Variants in RREB1 observed in about 807,000 individuals in gnomAD.
The protein encoded by RREB1 is ras responsive element binding protein 1.
A neutral mutation model predicts 117.8 loss-of-function variants in RREB1; 27 were observed. The observed-to-expected ratio is 0.23, with a 90% CI of 0.17 to 0.32. The LOEUF is 0.32. RREB1 is among the 10% of genes least tolerant of loss of function. The pLI is 1.00. For synonymous variants in RREB1, 1,298 were observed against 1,026.7 expected (o/e 1.26, Z -5.05); for missense variants, 2,577 against 2,378.2 (o/e 1.08, Z -1.74).
rs139799223 is a variant in RREB1 at position 7,229,167 on chromosome 6, C to A, written c.1068C>A (p.Asp356Glu). 1 of 1,609,806 alleles carries A rather than the reference C, an allele frequency of 6.2e-7. No individual in the cohort carries two copies. Among genetic ancestry groups the A allele is most frequent in the Non-Finnish European group, 8.5e-7 (1 of 1,176,812 alleles). ...CGCAGGCCACGCCCCTGCCTGGTGA[C>A]GCCCTGGACCAGAAGGGCTTCCTGG... The part of the protein sequence containing the change: ...EKPQATPLPG[D>E]ALDQKGFLAL... Residue 356 changes from aspartate to glutamate, a missense_variant, in exon 10 of 13, where the codon GAC becomes GAA. Coordinates refer to ENST00000379938, the MANE Select transcript of RREB1 (RefSeq NM_001003699.4). This position sits in a 1 kb window ranked among gnomAD's most constrained non-coding sequence, Gnocchi z 4.5.
At chr6:7,162,482 A>G (rs996119308) in intron 1 of RREB1, among the ~76,000 whole-genome samples, 1 of 151,154 alleles carries the variant, frequency 6.6e-6, no homozygotes, top group African/African-American at 2.4e-5. Context: ...TTTGGCTCAT[A>G]CTCCAGGTTC....
At chr6:7,191,766 A>C (rs1180382843) in intron 6 of RREB1, among the ~76,000 whole-genome samples, 1 of 152,166 alleles carries the variant, frequency 6.6e-6, no homozygotes, top group African/African-American at 2.4e-5. Context: ...TCAGTTGTTC[A>C]TGGCTAGTTA....
chr6:7,158,302 A>G (rs1763480407), intron 1 of RREB1, among the ~76,000 whole-genome samples: 1 of 151,570 alleles, frequency 6.6e-6, no homozygotes, highest in Admixed American at 6.6e-5. Context: ...TTCCCTCCCT[A>G]TTCCCTTTGT....
chr6:7,221,201 G>A (rs1160237325), intron 8 of RREB1, among the ~76,000 whole-genome samples: 5 of 151,066 alleles, frequency 3.3e-5, no homozygotes, highest in African/African-American at 1.2e-4. Flanking sequence ...TCGCTCTGTC[G>A]CCCAGGCCGG....
At chr6:7,214,165 G>C (rs1432892184) in intron 8 of RREB1, 1 of 152,432 alleles carries the variant, frequency 6.6e-6, no homozygotes, top group African/African-American at 2.4e-5. Context: ...GATTTGGTGG[G>C]TGATTAATCC....
chr6:7,201,740 C>T (rs1011917230), intron 6 of RREB1, among the ~76,000 whole-genome samples: 1 of 152,096 alleles, frequency 6.6e-6, no homozygotes, highest in Admixed American at 6.5e-5. Context: ...TTCATTGGTC[C>T]TGTGGTGTCA....
intron 11 of RREB1, among the ~76,000 whole-genome samples, chr6:7,245,451 A>G (rs1768947214): frequency 6.6e-6 from 1 of 152,244 alleles, no homozygotes; most frequent in African/African-American, 2.4e-5. Flanking sequence ...AATAGGTCCC[A>G]CCAGCTTCCA....
At chr6:7,242,318 GTATT>G (rs150742080) in intron 11 of RREB1, among the ~76,000 whole-genome samples, 170 of 152,286 alleles carry the variant, frequency 1.1e-3, no homozygotes, top group African/African-American at 3.9e-3. Context: ...AGCACCAAGT[GTATT>G]TATAAGTTTG....
Position 7,230,396 on chromosome 6 carries a change from G to A in RREB1, c.2297G>A (p.Arg766His). 6.3e-7 allele frequency: 1 copy of A among 1,592,648 alleles called. No individual in the cohort carries two copies. The stretch of plus-strand genomic sequence containing the variant: ...TGCGGCGAGGACCTCAAGCACTATC[G>A]TGCCCTGCGCATCCACATGCGCACG... ...RLCGEDLKHY[R>H]ALRIHMRTHC... Residue 766 changes from arginine to histidine, a missense_variant, in exon 10 of 13, where the codon CGT becomes CAT. By Grantham distance (29) the Arg-to-His change is conservative. Coordinates refer to ENST00000379938, the MANE Select transcript of RREB1 (RefSeq NM_001003699.4).
At chr6:7,240,651 T>C in intron 11 of RREB1, 49 bp downstream of exon 11, 8 of 1,542,658 alleles carry the variant, frequency 5.2e-6, no homozygotes, top group African/African-American at 2.8e-5. Flanking sequence ...GAGAGAGGAG[T>C]TCGGTTAAGA....
intron 1 of RREB1, among the ~76,000 whole-genome samples, chr6:7,162,823 A>G (rs1487094607): frequency 6.6e-6 from 1 of 151,068 alleles, no homozygotes; most frequent in African/African-American, 2.4e-5. Context: ...GCTCCCCTTT[A>G]TTTTATTTTA....
intron 1 of RREB1, among the ~76,000 whole-genome samples, chr6:7,144,401 C>G (rs1762767391): frequency 6.6e-6 from 1 of 152,134 alleles, no homozygotes; most frequent in African/African-American, 2.4e-5. Flanking sequence ...GGGAAACTGT[C>G]AAAACCAAAC....
At chr6:7,162,639 A>G (rs1362091079) in intron 1 of RREB1, among the ~76,000 whole-genome samples, 9 of 152,062 alleles carry the variant, frequency 5.9e-5, no homozygotes. Flanking sequence ...AGGTTTTCGC[A>G]CAGATCCCAA....
chr6:7,138,558 T>G (rs1167429517), intron 1 of RREB1, among the ~76,000 whole-genome samples: 2 of 152,220 alleles, frequency 1.3e-5, no homozygotes, highest in African/African-American at 4.8e-5. Context: ...GTCAAAGTGG[T>G]GGTTGTTATC....
At position 7,181,194 on chromosome 6, in the gene RREB1, A is replaced by G; in HGVS notation, c.-95A>G. 1 of 398,748 alleles carries G rather than the reference A, an allele frequency of 2.5e-6. No individual in the cohort carries two copies. The highest frequency in any genetic ancestry group is 4.4e-6 in the Non-Finnish European group (1 of 226,170). 24.7% of individuals were successfully genotyped at this position (398,748 alleles called of 1,614,324 possible). ...ACTCATTTTCTACTCCGTGTGAATG[A>G]TAGCTACAGCAGGGGAAAGTTTCAT... On this transcript the variant is annotated 5_prime_UTR_variant, in exon 3 of 13. Coordinates refer to ENST00000379938, the MANE Select transcript of RREB1 (RefSeq NM_001003699.4).
intron 1 of RREB1, among the ~76,000 whole-genome samples, chr6:7,137,531 G>A (rs1762393364): frequency 6.6e-6 from 1 of 152,230 alleles, no homozygotes; most frequent in African/African-American, 2.4e-5. Context: ...CAAACACATA[G>A]GCAGATGAAA....
In RREB1 at chr6:7,251,366, A is replaced by T. The variant is rs1314520442; in HGVS notation, c.*2398A>T. ...CTGGGTGAATCATAGCTTAGTTTGC[A>T]TGTCCAGCTAATTTGTTTCTATACA... is the stretch of plus-strand genomic sequence containing the variant. On this transcript the variant is annotated 3_prime_UTR_variant, in exon 13 of 13. Coordinates refer to ENST00000379938, the MANE Select transcript of RREB1 (RefSeq NM_001003699.4). 6.6e-6 allele frequency: 1 copy of T among 151,800 alleles called. No homozygotes were observed. The highest frequency in any genetic ancestry group is 2.4e-5 in the African/African-American group (1 of 41,284). The allele number at this position is 151,800 out of a possible 1,614,324, so 9.4% of individuals were successfully genotyped here. A position where few individuals can be genotyped will look rare whatever the true frequency, so the allele number is the denominator to read the frequency against.
chr6:7,166,119 T>C (rs150540129), intron 1 of RREB1, among the ~76,000 whole-genome samples: 3 of 152,250 alleles, frequency 2.0e-5, no homozygotes, highest in Non-Finnish European at 4.4e-5. Flanking sequence ...GGAGAGCCTG[T>C]GTGCCTCACA....
chr6:7,230,400 C>G lies in RREB1; in HGVS notation c.2301C>G (p.Ala767=), dbSNP rs769574476. The G allele has an allele frequency of 3.1e-6, 5 of 1,592,180 alleles. No individual in the cohort carries two copies. In the South Asian group the frequency reaches 4.4e-5, roughly 14 times the overall value. ...LCGEDLKHYR[A]LRIHMRTHCG... ...GCGAGGACCTCAAGCACTATCGTGC[C>G]CTGCGCATCCACATGCGCACGCACT... Residue 767 remains alanine, a synonymous_variant, in exon 10 of 13, where the codon GCC becomes GCG. Coordinates refer to ENST00000379938, the MANE Select transcript of RREB1 (RefSeq NM_001003699.4).
Sources: gnomAD v4.1 joint callset for allele counts (sites outside exome capture counted in the v4.1 genomes callset) on GRCh38, gnomAD v4.1.1 for gene constraint, Gnocchi (gnomAD v3.1) non-coding constraint, MANE v1.5 for transcripts, NCBI Gene and HGNC (gene_info 2026-07-23, HGNC 2026-07-21) for gene names.